The following SPTLC2 variants were observed in gnomAD, a reference collection of about 807,000 sequenced individuals.
SPTLC2 encodes the protein serine palmitoyltransferase 2.
SPTLC2 carries 21 observed loss-of-function variants against 62.0 expected under a neutral mutation model. The observed-to-expected ratio is 0.34, with a 90% CI of 0.24 to 0.49. The LOEUF (loss-of-function observed/expected upper bound fraction) is 0.49, where lower values mean the gene tolerates loss of function less well. Among genes scored for constraint, SPTLC2 ranks in the 20% least tolerant of loss-of-function variants. The pLI is 0.99. For missense variants in SPTLC2, 511 were observed against 713.0 expected (o/e 0.72, Z 3.23); for synonymous variants, 261 against 261.8 (o/e 1.00, Z 0.03).
intron 2 of SPTLC2, among the ~76,000 whole-genome samples, chr14:77,585,263 T>C (rs1566787757): frequency 6.6e-6 from 1 of 152,254 alleles, no homozygotes; most frequent in Non-Finnish European, 1.5e-5. Context: ...GAGAAATAGA[T>C]GTTTAATAAC....
chr14:77,571,311 G>A (rs1162965792), intron 4 of SPTLC2, among the ~76,000 whole-genome samples: 1 of 152,128 alleles, frequency 6.6e-6, no homozygotes, highest in Non-Finnish European at 1.5e-5. Flanking sequence ...AGGAGTTTGA[G>A]ACCAGCCTGG....
At chr14:77,562,039 C>G (rs2079617608) in intron 6 of SPTLC2, among the ~76,000 whole-genome samples, 1 of 152,186 alleles carries the variant, frequency 6.6e-6, no homozygotes, top group African/African-American at 2.4e-5. Context: ...TAAGGACTGG[C>G]TTATCTATTA....
intron 4 of SPTLC2, among the ~76,000 whole-genome samples, chr14:77,571,463 C>T (rs960792327): frequency 8.1e-5 from 12 of 148,420 alleles, no homozygotes; most frequent in Non-Finnish European, 1.3e-4. Context: ...GAGCTGAGAT[C>T]GCACCACTGC....
intron 9 of SPTLC2, among the ~76,000 whole-genome samples, chr14:77,533,896 G>A (rs112912159): frequency 0.011 from 1,654 of 152,200 alleles, 34 homozygotes; most frequent in African/African-American, 0.038. Context: ...AGTGGCTCAT[G>A]CCTGTAATCC....
At chr14:77,606,765 T>A (rs888562582) in intron 1 of SPTLC2, among the ~76,000 whole-genome samples, 1 of 152,162 alleles carries the variant, frequency 6.6e-6, no homozygotes, top group African/African-American at 2.4e-5. Flanking sequence ...GGCGGGAGGA[T>A]TGCTTGGACC....
At chr14:77,595,471 T>G (rs1418668965) in intron 2 of SPTLC2, among the ~76,000 whole-genome samples, 1 of 152,190 alleles carries the variant, frequency 6.6e-6, no homozygotes, top group Non-Finnish European at 1.5e-5. Context: ...GGGCTTTGCA[T>G]TCAAAAAACT....
rs1450572091 is a variant in SPTLC2, at chr14:77,512,277, A to G, written c.*7T>C. 4 of 1,613,824 alleles carry G rather than the reference A, an allele frequency of 2.5e-6. No individual in the cohort carries two copies. Among genetic ancestry groups the G allele is most frequent in the Middle Eastern group, 1.7e-4 (1 of 5,784 alleles). On this transcript the variant is annotated 3_prime_UTR_variant, in exon 12 of 12. Transcript: ENST00000216484. ...GGAGAGTTCCTCTGAGGGAGCACCA[A>G]AAAGGCTCAGTCTTCTGTTTCTTCA... is the stretch of plus-strand genomic sequence containing the variant.
In SPTLC2 at chr14:77,567,833, C is replaced by CT. The variant is rs34867638; in HGVS notation, c.756+2550dup. On this transcript the variant is annotated intron_variant, in intron 5 of 11. Transcript: ENST00000216484. ...CTAATTTTTTAAGCTACAAGCTTTA[C>CT]TTTTTTTTTTTAAGATGGAGTCTGG... 8.9e-4 allele frequency among the ~76,000 whole-genome samples: 130 copies of CT among 145,946 alleles called. 6 individuals are homozygous for CT. The South Asian group carries it at 0.023, about 26-fold the overall frequency.
At chr14:77,537,587 G>C (rs907979953) in intron 9 of SPTLC2, among the ~76,000 whole-genome samples, 3 of 152,080 alleles carry the variant, frequency 2.0e-5, no homozygotes, top group Admixed American at 6.6e-5. Context: ...TACCTATATA[G>C]TCAATTACAT....
intron 4 of SPTLC2, among the ~76,000 whole-genome samples, chr14:77,571,379 G>A (rs569915774): frequency 6.6e-6 from 1 of 151,898 alleles, no homozygotes; most frequent in African/African-American, 2.4e-5. Context: ...GCATGGTGGC[G>A]TGTGCCTGTA....
chr14:77,573,229 A>T (rs1452981788), intron 4 of SPTLC2, among the ~76,000 whole-genome samples: 1 of 152,162 alleles, frequency 6.6e-6, no homozygotes, highest in Non-Finnish European at 1.5e-5. Context: ...GTAAATGGGT[A>T]CAAATATAGA....
chr14:77,593,530 C>A (rs891312017), intron 2 of SPTLC2, among the ~76,000 whole-genome samples: 13 of 152,042 alleles, frequency 8.6e-5, no homozygotes, highest in African/African-American at 3.1e-4. Flanking sequence ...CAAAACACCA[C>A]GAATAACAGA....
intron 9 of SPTLC2, among the ~76,000 whole-genome samples, chr14:77,541,724 C>T (rs941495165): frequency 6.6e-6 from 1 of 152,146 alleles, no homozygotes; most frequent in Non-Finnish European, 1.5e-5. Flanking sequence ...ATTATATACT[C>T]ATCACAAGCA....
chr14:77,606,270 C>CA (rs1465720497), intron 1 of SPTLC2, among the ~76,000 whole-genome samples: 2 of 152,344 alleles, frequency 1.3e-5, no homozygotes, highest in African/African-American at 4.8e-5. Context: ...GCAAAGGTTG[C>CA]AGTGAGCCAA....
intron 1 of SPTLC2, among the ~76,000 whole-genome samples, chr14:77,609,965 A>C (rs1466933627): frequency 6.6e-6 from 1 of 152,182 alleles, no homozygotes; most frequent in Non-Finnish European, 1.5e-5. Flanking sequence ...TGGGAGTAGA[A>C]TTACTGGGCC....
At position 77,552,164 on chromosome 14, in the gene SPTLC2, G is replaced by A. The variant is rs1447076348; in HGVS notation, c.1235C>T (p.Ser412Leu). The change falls in exon 9 of 12, where the codon TCA becomes TTA. Residue 412 changes from serine (S) to leucine (L), a missense_variant. Physicochemically the swap from Ser to Leu is moderately radical, Grantham distance 145. Transcript: ENST00000216484. ...GATGATCTGCTCCACTACAGGAGGT[G>A]ACAATGACGTGGCATACACTGCACT... ...SHSAVYATSL[S>L]PPVVEQIITS... 1 of 1,614,082 alleles carries A rather than the reference G, an allele frequency of 6.2e-7. No individual in the cohort carries two copies. The highest frequency in any genetic ancestry group is 8.5e-7 in the Non-Finnish European group (1 of 1,180,042).
At chr14:77,521,648 A>C in intron 9 of SPTLC2, 67 bp from the exon 10 acceptor site, 1 of 1,350,848 alleles carries the variant, frequency 7.4e-7, no homozygotes, top group Non-Finnish European at 1.1e-6. Flanking sequence ...AAGACAGTAA[A>C]TCTCCTCTAT....
intron 10 of SPTLC2, among the ~76,000 whole-genome samples, chr14:77,521,152 A>T (rs1203907140): frequency 1.3e-5 from 2 of 152,166 alleles, no homozygotes; most frequent in Non-Finnish European, 2.9e-5. Flanking sequence ...TGTCTGTCTG[A>T]CTGTTGCCCC....
chr14:77,571,801 T>C (rs2079684754), intron 4 of SPTLC2, among the ~76,000 whole-genome samples: 1 of 152,154 alleles, frequency 6.6e-6, no homozygotes, highest in South Asian at 2.1e-4. Context: ...CTTTTTTTCT[T>C]TTTTTGAGAG....
Sources: allele counts gnomAD v4.1 joint callset (sites outside exome capture counted in the v4.1 genomes callset), GRCh38; gene constraint gnomAD v4.1.1; transcripts MANE v1.5; gene names NCBI Gene and HGNC (gene_info 2026-07-23, HGNC 2026-07-21).